ZFHX3: variants seen among roughly 807,000 people sequenced by gnomAD.
ZFHX3 encodes the protein zinc finger homeobox protein 3.
In ZFHX3, 42 loss-of-function variants were observed where a neutral mutation model predicts 279.1. That is an observed-to-expected ratio of 0.15 (90% CI 0.12 to 0.19). The LOEUF (loss-of-function observed/expected upper bound fraction) is 0.19, where lower values mean the gene tolerates loss of function less well. Among genes scored for constraint, ZFHX3 ranks in the 10% least tolerant of loss-of-function variants. The pLI is 1.00. For missense variants in ZFHX3, 4,981 were observed against 4,754.0 expected, an observed-to-expected ratio of 1.05 and a Z score of -1.40; for synonymous variants, 2,293 against 1,957.8, an observed-to-expected ratio of 1.17 and a Z score of -4.52.
intron 1 of ZFHX3, among the ~76,000 whole-genome samples, chr16:73,889,774 C>T (rs892106420): frequency 2.0e-5 from 3 of 152,242 alleles, no homozygotes; most frequent in African/African-American, 4.8e-5. Context: ...AAGTTGACAG[C>T]GGCTCACCCT....
chr16:73,467,555 G>T (rs1287555195), intron 2 of ZFHX3, among the ~76,000 whole-genome samples: 1 of 152,204 alleles, frequency 6.6e-6, no homozygotes, highest in Non-Finnish European at 1.5e-5. Context: ...TGGATTGACA[G>T]GCAGAGGGAC....
chr16:73,858,070 T>G (rs1476779660), intron 1 of ZFHX3, among the ~76,000 whole-genome samples: 1 of 149,804 alleles, frequency 6.7e-6, no homozygotes, highest in African/African-American at 2.5e-5. Flanking sequence ...TACTCCAGCC[T>G]GGGCAACAGA....
chr16:73,397,814 TG>T (rs935462599), intron 3 of ZFHX3, among the ~76,000 whole-genome samples: 10 of 140,490 alleles, frequency 7.1e-5, no homozygotes, highest in African/African-American at 1.8e-4. Context: ...GTCTTGGAAA[TG>T]GGGGGGACAT....
rs1224592041 is a variant in ZFHX3 at position 72,950,863 on chromosome 16, G to A, written c.2822C>T (p.Ser941Leu). Residue 941 changes from serine (S) to leucine (L), a missense_variant, in exon 3 of 10, where the codon TCG (serine) becomes TTG (leucine). By Grantham distance (145) the Ser-to-Leu change is moderately radical (BLOSUM62 -2). Around this residue, in one of 7 missense-constraint regions of ZFHX3, gnomAD observed 1,751 missense variants for 1,770.0 expected, o/e 0.99. Coordinates refer to ENST00000268489, the MANE Select transcript of ZFHX3 (RefSeq NM_006885.4). Reference sequence around the variant, plus strand: ...GACGGCGCACTGGAAGAGCTTCAGCGACGGGTCGTTGGTCTGGATGAAGCT... The same window carrying A: ...GACGGCGCACTGGAAGAGCTTCAGCAACGGGTCGTTGGTCTGGATGAAGCT... ...GESFIQTNDP[S>L]LKLFQCAVCN... The A allele has an allele frequency of 8.1e-6, 13 of 1,614,052 alleles. No individual in the cohort carries two copies. The highest frequency in any genetic ancestry group is 2.2e-5 in the South Asian group (2 of 91,084).
At chr16:72,908,668 G>A (rs911541051) in intron 3 of ZFHX3, among the ~76,000 whole-genome samples, 2 of 152,148 alleles carry the variant, frequency 1.3e-5, no homozygotes, top group African/African-American at 2.4e-5. Context: ...TGACTCATGC[G>A]ATGACACAAA....
intron 1 of ZFHX3, among the ~76,000 whole-genome samples, chr16:73,822,001 C>T (rs140476922): frequency 1.2e-3 from 178 of 152,306 alleles, no homozygotes; most frequent in African/African-American, 3.9e-3. Flanking sequence ...CTACATTTGC[C>T]TTTGAGCACA....
At chr16:72,947,178 G>T (rs1960724922) in intron 3 of ZFHX3, among the ~76,000 whole-genome samples, 1 of 152,232 alleles carries the variant, frequency 6.6e-6, no homozygotes, top group South Asian at 2.1e-4. Flanking sequence ...CAAGGTAAGG[G>T]GGCTTCCCCC....
In ZFHX3 at chr16:72,950,576, G is replaced by A. The variant is rs1960938586; in HGVS notation, c.3109C>T (p.Pro1037Ser). ...WRLKCVAIGN[P>S]VHLKCNACDY... is the part of the protein sequence containing the mutation. The stretch of plus-strand genomic sequence containing the variant: ...CAGGCGTTGCACTTGAGGTGCACGG[G>A]GTTGCCGATGGCCACACACTTGAGC... Residue 1037 changes from proline (P) to serine (S), a missense_variant, in exon 3 of 10, where the codon CCC becomes TCC. Transcript: ENST00000268489. The A allele has an allele frequency of 1.2e-6, 2 of 1,614,194 alleles. No homozygotes were observed. Among genetic ancestry groups the A allele is most frequent in the Admixed American group, 1.7e-5 (1 of 60,026 alleles).
At position 73,071,436 on chromosome 16, in the gene ZFHX3, A is replaced by G. The variant is rs1211641730; in HGVS notation, c.-532-12424T>C. ...AGGGAGGGAGGGAGGGAGCACGTGC[A>G]ACTCGCTCCTGGTCTTTTCTCTGCT... is the stretch of plus-strand genomic sequence containing the variant. On this transcript the variant is annotated intron_variant, in intron 8 of 17. Transcript: ENST00000641206. Among the ~76,000 whole-genome samples the G allele has an allele frequency of 2.6e-5, 4 of 152,018 alleles. No individual in the cohort carries two copies. The East Asian group carries it at 7.8e-4, about 29-fold the overall frequency.
At chr16:73,808,533 C>T (rs1334126015) in intron 1 of ZFHX3, 2 of 152,192 alleles carry the variant, frequency 1.3e-5, no homozygotes, top group East Asian at 1.9e-4. Context: ...TACCCAGGCA[C>T]ACTGTCCAGT....
Position 73,162,623 on chromosome 16 carries a change from G to A in ZFHX3, c.-1103-18792C>T, listed in dbSNP as rs149119903. ...ACAGTAAATGTAATGCACCACACCC[G>A]GCTAATTTTTGTATTGTTTTGTAGA... On this transcript the variant is annotated intron_variant, in intron 5 of 17. Coordinates refer to the ZFHX3 transcript ENST00000641206. Among the ~76,000 whole-genome samples the A allele has an allele frequency of 2.2e-3, 334 of 152,108 alleles. 2 individuals are homozygous for A. The highest frequency in any genetic ancestry group is 6.3e-3 in the African/African-American group (260 of 41,482).
intron 2 of ZFHX3, among the ~76,000 whole-genome samples, chr16:73,568,613 G>A (rs550026920): frequency 2.6e-5 from 4 of 152,128 alleles, no homozygotes; most frequent in Admixed American, 2.6e-4. Flanking sequence ...AAAGGGGAAG[G>A]AAAGAGAAAA....
At chr16:73,745,776 A>G (rs749825605) in intron 1 of ZFHX3, among the ~76,000 whole-genome samples, 1 of 152,128 alleles carries the variant, frequency 6.6e-6, no homozygotes, top group Non-Finnish European at 1.5e-5. Context: ...TGTTGGTGTA[A>G]CTCAAGTTAT....
intron 2 of ZFHX3, among the ~76,000 whole-genome samples, chr16:73,508,440 C>G (rs567414913): frequency 6.6e-6 from 1 of 152,138 alleles, no homozygotes; most frequent in South Asian, 2.1e-4. Context: ...TCTGGGTATA[C>G]CACCATGGAA....
intron 2 of ZFHX3, among the ~76,000 whole-genome samples, chr16:73,573,389 G>C (rs919609698): frequency 1.3e-5 from 2 of 152,234 alleles, no homozygotes; most frequent in African/African-American, 4.8e-5. Context: ...AGAGTATGCA[G>C]GTTCTGCACC....
At chr16:73,580,508 CA>C (rs1555525963) in intron 2 of ZFHX3, among the ~76,000 whole-genome samples, 9,428 of 140,108 alleles carry the variant, frequency 0.067, 1,150 homozygotes, top group African/African-American at 0.22. Flanking sequence ...AACAAACAAA[CA>C]AAAAAAAAAA....
At chr16:72,826,930 T>G (rs1422283065) in intron 5 of ZFHX3, among the ~76,000 whole-genome samples, 1 of 152,150 alleles carries the variant, frequency 6.6e-6, no homozygotes, top group Non-Finnish European at 1.5e-5. Flanking sequence ...GAAGACACAC[T>G]CCCAATGAAT....
chr16:72,886,401 C>A (rs1343802688), intron 4 of ZFHX3, among the ~76,000 whole-genome samples: 1 of 152,002 alleles, frequency 6.6e-6, no homozygotes, highest in African/African-American at 2.4e-5. Flanking sequence ...GGGGGAAAAA[C>A]CCCTAGTATG....
At chr16:72,837,162 C>T (rs966559434) in intron 4 of ZFHX3, among the ~76,000 whole-genome samples, 1 of 152,178 alleles carries the variant, frequency 6.6e-6, no homozygotes, top group Non-Finnish European at 1.5e-5. Context: ...TCCAGGGGCG[C>T]CATTGCCTTC....
Sources: allele counts gnomAD v4.1 joint callset (sites outside exome capture counted in the v4.1 genomes callset), GRCh38; gene constraint gnomAD v4.1.1; regional missense constraint gnomAD v4.1.1; transcripts MANE v1.5; gene names NCBI Gene and HGNC (gene_info 2026-07-23, HGNC 2026-07-21).